RAB11FIP3: variants seen among roughly 807,000 people sequenced by gnomAD.
RAB11FIP3 encodes the protein RAB11 family interacting protein 3.
In RAB11FIP3, 17 loss-of-function variants were observed where a neutral mutation model predicts 77.8. The ratio of observed to expected loss-of-function variants is 0.22; its 90% confidence interval spans 0.15 to 0.33. The LOEUF is 0.33. Ranked by LOEUF, RAB11FIP3 falls within the 10% of genes least tolerant of loss-of-function variation. The pLI, the probability that RAB11FIP3 is intolerant of heterozygous loss-of-function variation, is 1.00. For missense variants in RAB11FIP3, 1,005 were observed against 1,011.2 expected, an observed-to-expected ratio of 0.99 and a Z score of 0.08; for synonymous variants, 437 against 448.2, an observed-to-expected ratio of 0.98 and a Z score of 0.31.
intron 3 of RAB11FIP3, among the ~76,000 whole-genome samples, chr16:474,223 G>C (rs2141693007): frequency 6.6e-6 from 1 of 152,052 alleles, no homozygotes; most frequent in East Asian, 1.9e-4. Context: ...ATAAACCTTT[G>C]ATTGATTGGT....
chr16:468,046 A>T (rs111164650), intron 2 of RAB11FIP3, among the ~76,000 whole-genome samples: 15 of 30,468 alleles, frequency 4.9e-4, no homozygotes, highest in Admixed American at 1.6e-3. Context: ...GAGGAGGTGC[A>T]GGGGCGTTGG....
intron 6 of RAB11FIP3, among the ~76,000 whole-genome samples, chr16:502,487 T>G (rs2031588495): frequency 1.3e-5 from 2 of 152,048 alleles, no homozygotes; most frequent in Non-Finnish European, 2.9e-5. Context: ...AGGGTGACAC[T>G]GAGTGAGACT....
At chr16:434,415 C>T (rs904003876) in intron 1 of RAB11FIP3, among the ~76,000 whole-genome samples, 1 of 150,774 alleles carries the variant, frequency 6.6e-6, no homozygotes, top group Non-Finnish European at 1.5e-5. Context: ...TGAGCCACTG[C>T]ACCCTGCCAG....
intron 6 of RAB11FIP3, chr16:497,134 G>A (rs2031205732): frequency 1.6e-5 from 10 of 630,734 alleles, no homozygotes; most frequent in Non-Finnish European, 1.9e-5. Context: ...GGAAGGGGCC[G>A]CCATCCCCAG....
At chr16:492,409 GGCCGCCCAGGGC>G (rs2030486453) in intron 5 of RAB11FIP3, among the ~76,000 whole-genome samples, 1 of 143,930 alleles carries the variant, frequency 6.9e-6, no homozygotes, top group African/African-American at 2.6e-5. Context: ...GGAGACCCGA[GGCCGCCCAGGGC>G]CCTCCCCGGG....
chr16:457,558 G>A (rs1209080674), intron 1 of RAB11FIP3, among the ~76,000 whole-genome samples: 1 of 151,184 alleles, frequency 6.6e-6, no homozygotes, highest in African/African-American at 2.4e-5. Context: ...TTTGGACTTG[G>A]AGAATTAGAA....
chr16:426,741 G>A lies in RAB11FIP3; in HGVS notation c.714+21G>A. On this transcript the variant is annotated intron_variant, in intron 1 of 13. Coordinates refer to ENST00000262305, the MANE Select transcript of RAB11FIP3 (RefSeq NM_014700.4). The surrounding 1 kb of genome is among the most constrained non-coding windows in gnomAD (Gnocchi z 5.0). ...AGCAGGTACGGAGCGGCCCGGGCCGGGGCGTGGGAACTGGGCAGGTGCGCG... is the reference window on the plus strand; with the variant it reads ...AGCAGGTACGGAGCGGCCCGGGCCGAGGCGTGGGAACTGGGCAGGTGCGCG... 1 of 1,466,508 alleles carries A rather than the reference G, an allele frequency of 6.8e-7. No homozygotes were observed. The highest frequency in any genetic ancestry group is 2.6e-5 in the East Asian group (1 of 38,852). 90.8% of individuals were successfully genotyped at this position (1,466,508 alleles called of 1,614,324 possible). A position where few individuals can be genotyped will look rare whatever the true frequency, so the allele number is the denominator to read the frequency against.
intron 1 of RAB11FIP3, among the ~76,000 whole-genome samples, chr16:454,130 C>G (rs1436860111): frequency 6.6e-6 from 1 of 152,192 alleles, no homozygotes; most frequent in African/African-American, 2.4e-5. Flanking sequence ...GTAGGCGGGT[C>G]TTTGTTCCTT....
At chr16:446,677 T>C (rs1421423110) in intron 1 of RAB11FIP3, among the ~76,000 whole-genome samples, 2 of 152,174 alleles carry the variant, frequency 1.3e-5, no homozygotes, top group African/African-American at 4.8e-5. Flanking sequence ...TATAGTCCTT[T>C]TTATTCATAT....
intron 2 of RAB11FIP3, among the ~76,000 whole-genome samples, chr16:465,987 C>T (rs777324515): frequency 2.0e-5 from 3 of 152,132 alleles, no homozygotes; most frequent in Non-Finnish European, 2.9e-5. Context: ...TTGAATAAAA[C>T]CAGGAATTCT....
intron 4 of RAB11FIP3, among the ~76,000 whole-genome samples, chr16:485,566 T>C (rs2056137778): frequency 6.6e-6 from 1 of 152,000 alleles, no homozygotes; most frequent in African/African-American, 2.4e-5. Context: ...GCACCTGCCA[T>C]GGCGCCCAGC....
chr16:503,601 C>T (rs968276198), intron 7 of RAB11FIP3, among the ~76,000 whole-genome samples: 2 of 152,104 alleles, frequency 1.3e-5, no homozygotes, highest in Non-Finnish European at 2.9e-5. Flanking sequence ...GCTTTTCAGC[C>T]AGATGTGGTG....
chr16:426,768 T>G lies in RAB11FIP3; in HGVS notation c.714+48T>G. ...GCGTGGGAACTGGGCAGGTGCGCGC[T>G]GGCCGGCGGGGTTGATGTGGGACCG... On this transcript the variant is annotated intron_variant, in intron 1 of 13. Transcript: ENST00000262305. The surrounding 1 kb of genome is among the most constrained non-coding windows in gnomAD (Gnocchi z 5.0). The G allele has an allele frequency of 2.1e-6, 3 of 1,413,604 alleles. No homozygotes were observed. Among genetic ancestry groups the G allele is most frequent in the Non-Finnish European group, 2.8e-6 (3 of 1,067,444 alleles). The allele number at this position is 1,413,604 out of a possible 1,614,324, so 87.6% of individuals were successfully genotyped here.
At position 519,013 on chromosome 16, in the gene RAB11FIP3, C is replaced by T. The variant is rs139187380; in HGVS notation, c.1711C>T (p.Arg571Cys). 10 of 1,613,232 alleles carry T rather than the reference C, an allele frequency of 6.2e-6. No homozygotes were observed. In the East Asian group the frequency reaches 1.1e-4, roughly 18 times the overall value. ...GCCCTGTCTGAAGGCCAACATTGAGCGTCTGGAGGAGGTGAGCTGCCAACA... is the reference window on the plus strand; with the variant it reads ...GCCCTGTCTGAAGGCCAACATTGAGTGTCTGGAGGAGGTGAGCTGCCAACA... Reference protein sequence around the residue: ...CTPCLKANIERLEEEKQKLLD... With the variant: ...CTPCLKANIECLEEEKQKLLD... The change falls in exon 10 of 14, where the codon CGT becomes TGT. Residue 571 changes from arginine to cysteine, a missense_variant. Around this residue, in one of 4 missense-constraint regions of RAB11FIP3, gnomAD observed 433 missense variants for 436.1 expected, o/e 0.99. Coordinates refer to ENST00000262305, the MANE Select transcript of RAB11FIP3 (RefSeq NM_014700.4).
intron 1 of RAB11FIP3, among the ~76,000 whole-genome samples, chr16:449,797 C>A (rs1051574504): frequency 6.6e-6 from 1 of 151,888 alleles, no homozygotes; most frequent in Non-Finnish European, 1.5e-5. Context: ...ACTAAAAATA[C>A]AAAATTAGCC....
rs546026230 is a variant in RAB11FIP3, at chr16:499,036, C to T, written c.1301+2177C>T. Among the ~76,000 whole-genome samples the T allele has an allele frequency of 2.0e-5, 3 of 152,032 alleles. No homozygotes were observed. The East Asian group carries it at 5.8e-4, about 29-fold the overall frequency. On this transcript the variant is annotated intron_variant, in intron 6 of 13. Coordinates refer to ENST00000262305, the MANE Select transcript of RAB11FIP3 (RefSeq NM_014700.4). The stretch of plus-strand genomic sequence containing the variant: ...GACCAGCCTGGCCAAAATGGAGAAA[C>T]CCCATCTCTACTAAAAAAATACAAG...
In RAB11FIP3 at chr16:426,162, C is replaced by T. The variant is rs1288158075; in HGVS notation, c.156C>T (p.Ser52=). 4 of 1,015,436 alleles carry T rather than the reference C, an allele frequency of 3.9e-6. No homozygotes were observed. In the South Asian group the frequency reaches 1.3e-4, roughly 34 times the overall value. The allele number at this position is 1,015,436 out of a possible 1,614,324, so 62.9% of individuals were successfully genotyped here. ...CCGTCGGCGGCCCCGACCCGCAGTC[C>T]CCGGGCCTGGATGAGCCTGCGCCCG... The part of the protein sequence containing the change: ...GAPVGGPDPQ[S]PGLDEPAPGA... The change falls in exon 1 of 14, where the codon TCC becomes TCT. Residue 52 remains serine (S), a synonymous_variant. Coordinates refer to ENST00000262305, the MANE Select transcript of RAB11FIP3 (RefSeq NM_014700.4). This position sits in a 1 kb window ranked among gnomAD's most constrained non-coding sequence, Gnocchi z 5.0.
chr16:441,183 C>A (rs774290882), intron 1 of RAB11FIP3, among the ~76,000 whole-genome samples: 3 of 152,090 alleles, frequency 2.0e-5, no homozygotes, highest in African/African-American at 4.8e-5. Flanking sequence ...CTCAGGTGAT[C>A]CACCTGCCTC....
Position 426,099 on chromosome 16 carries a change from A to G in RAB11FIP3, c.93A>G (p.Gln31=), listed in dbSNP as rs1258035759. The G allele has an allele frequency of 5.0e-6, 5 of 1,003,640 alleles. 1 individual carries two copies. The South Asian group carries it at 1.8e-4, about 36-fold the overall frequency. 62.2% of individuals were successfully genotyped at this position (1,003,640 alleles called of 1,614,324 possible). The part of the protein sequence containing the change: ...PGGPDGPGAA[Q]LAPGPAELRL... ...GGCCGGACGGGCCGGGGGCGGCACA[A>G]CTGGCTCCGGGCCCTGCGGAGCTAC... The change falls in exon 1 of 14, where the codon CAA becomes CAG. Residue 31 remains glutamine (Q), a synonymous_variant. Coordinates refer to ENST00000262305, the MANE Select transcript of RAB11FIP3 (RefSeq NM_014700.4). The surrounding 1 kb of genome is among the most constrained non-coding windows in gnomAD (Gnocchi z 5.0).
Sources: gnomAD v4.1 joint callset for allele counts (sites outside exome capture counted in the v4.1 genomes callset) on GRCh38, gnomAD v4.1.1 for gene constraint, gnomAD v4.1.1 regional missense constraint, Gnocchi (gnomAD v3.1) non-coding constraint, MANE v1.5 for transcripts, NCBI Gene and HGNC (gene_info 2026-07-23, HGNC 2026-07-21) for gene names.